The following HECA variants were observed in gnomAD, a reference collection of about 807,000 sequenced individuals.
HECA encodes headcase protein homolog.
HECA carries 13 observed loss-of-function variants against 37.6 expected under a neutral mutation model. The observed-to-expected ratio is 0.35, with a 90% CI of 0.23 to 0.55. The LOEUF (loss-of-function observed/expected upper bound fraction) is 0.55. HECA is among the 20% of genes least tolerant of loss of function. The pLI, the probability that HECA is intolerant of heterozygous loss-of-function variation, is 0.90. For synonymous variants in HECA, 307 were observed against 291.5 expected (o/e 1.05, Z -0.54); for missense variants, 527 against 701.9 (o/e 0.75, Z 2.82).
At position 139,178,750 on chromosome 6, in the gene HECA, A is replaced by AT. The variant is rs898157892; in HGVS notation, c.*1650dup. ...CCACCACACCCGGCTAATTTTTTGT[A>AT]TTTTTAGTAGAGACAGCGTTTCACC... On this transcript the variant is annotated 3_prime_UTR_variant, in exon 4 of 4. Transcript: ENST00000367658. The AT allele has an allele frequency of 2.6e-5, 4 of 151,846 alleles. No homozygotes were observed. The highest frequency in any genetic ancestry group is 2.6e-4 in the Admixed American group (4 of 15,242). The allele number at this position is 151,846 out of a possible 1,614,324, so 9.4% of individuals were successfully genotyped here.
At chr6:139,162,759 T>C (rs534175287) in intron 1 of HECA, among the ~76,000 whole-genome samples, 2 of 152,302 alleles carry the variant, frequency 1.3e-5, no homozygotes, top group Admixed American at 1.3e-4. Flanking sequence ...TTTGGTGGAA[T>C]GTTGTGTCTG....
rs754794268 is a variant in HECA, at chr6:139,177,057, C to T, written c.1584C>T (p.Tyr528=). 1.2e-6 allele frequency: 1 copy of T among 866,154 alleles called. No homozygotes were observed. The highest frequency in any genetic ancestry group is 1.3e-5 in the South Asian group (1 of 76,312). The allele number at this position is 866,154 out of a possible 1,614,324, so 53.7% of individuals were successfully genotyped here. ...QQCPHCGNLD[Y]HFVKPFSSFK... ...GTCCACACTGTGGGAACCTGGACTA[C>T]CACTTCGTGAAGCCATTTTCCTCCT... is the stretch of plus-strand genomic sequence containing the variant. Residue 528 remains tyrosine, a synonymous_variant, in exon 4 of 4, where the codon TAC becomes TAT. Coordinates refer to ENST00000367658, the MANE Select transcript of HECA (RefSeq NM_016217.3). The surrounding 1 kb of genome is among the most constrained non-coding windows in gnomAD (Gnocchi z 4.9).
At chr6:139,160,311 C>T (rs1450628709) in intron 1 of HECA, among the ~76,000 whole-genome samples, 1 of 152,174 alleles carries the variant, frequency 6.6e-6, no homozygotes, top group African/African-American at 2.4e-5. Context: ...GTTAGATTAT[C>T]ACAGTTTAGA....
At chr6:139,165,334 C>T (rs1295473486) in intron 1 of HECA, among the ~76,000 whole-genome samples, 1 of 152,070 alleles carries the variant, frequency 6.6e-6, no homozygotes, top group African/African-American at 2.4e-5. Flanking sequence ...TACCTCCTGC[C>T]CTCCTCCAGC....
intron 1 of HECA, among the ~76,000 whole-genome samples, chr6:139,136,645 T>TG (rs893449500): frequency 9.2e-5 from 14 of 151,732 alleles, no homozygotes; most frequent in Non-Finnish European, 1.6e-4. Flanking sequence ...TGTTTTGTTT[T>TG]TTTTTTTTTA....
rs1487091353 is a variant in HECA at position 139,135,334 on chromosome 6, G to A, written c.-63G>A. Reference sequence around the variant, plus strand: ...GCCGGCTTCACGCAGGGCCGGGAACGGCCGTGCCTCTGGGATCCGCCTTCG... The same window carrying A: ...GCCGGCTTCACGCAGGGCCGGGAACAGCCGTGCCTCTGGGATCCGCCTTCG... On this transcript the variant is annotated 5_prime_UTR_variant, in exon 1 of 4. Coordinates refer to ENST00000367658, the MANE Select transcript of HECA (RefSeq NM_016217.3). 2 of 1,230,956 alleles carry A rather than the reference G, an allele frequency of 1.6e-6. No individual in the cohort carries two copies. The highest frequency in any genetic ancestry group is 1.0e-6 in the Non-Finnish European group (1 of 957,050). 76.3% of individuals were successfully genotyped at this position (1,230,956 alleles called of 1,614,324 possible).
At position 139,179,349 on chromosome 6, in the gene HECA, A is replaced by G. The variant is rs554909668; in HGVS notation, c.*2244A>G. 2.8e-4 allele frequency: 42 copies of G among 152,316 alleles called. No individual in the cohort carries two copies. The highest frequency in any genetic ancestry group is 9.1e-4 in the African/African-American group (38 of 41,562). 9.4% of individuals were successfully genotyped at this position (152,316 alleles called of 1,614,324 possible). On this transcript the variant is annotated 3_prime_UTR_variant, in exon 4 of 4. Transcript: ENST00000367658. ...TTATATTGTTGTTCTGAAGCTTACA[A>G]TTGACCTATACATTGCATTCAGCAA...
chr6:139,145,779 G>C (rs1774577616), intron 1 of HECA, among the ~76,000 whole-genome samples: 1 of 152,176 alleles, frequency 6.6e-6, no homozygotes, highest in African/African-American at 2.4e-5. Flanking sequence ...TTTTTGGAAA[G>C]ATAAGTGGGC....
chr6:139,139,329 G>A (rs1423883295), intron 1 of HECA, among the ~76,000 whole-genome samples: 2 of 152,092 alleles, frequency 1.3e-5, no homozygotes, highest in Admixed American at 6.5e-5. Context: ...ATGGATTGTA[G>A]TACCTACCCA....
chr6:139,146,607 G>A (rs187568243), intron 1 of HECA, among the ~76,000 whole-genome samples: 3 of 152,302 alleles, frequency 2.0e-5, no homozygotes, highest in Admixed American at 2.0e-4. Context: ...TCTGAGAGCG[G>A]GAGCCTGAGA....
chr6:139,136,281 AAAAAAG>A (rs1230109013), intron 1 of HECA, among the ~76,000 whole-genome samples: 1 of 151,718 alleles, frequency 6.6e-6, no homozygotes, highest in Admixed American at 6.6e-5. Flanking sequence ...AAAAAAAAAA[AAAAAAG>A]AAAAGAAAGA....
rs1774415024 is a variant in HECA, at chr6:139,135,254, C to A, written c.-143C>A. The A allele has an allele frequency of 3.3e-6, 2 of 605,154 alleles. No individual in the cohort carries two copies. Among genetic ancestry groups the A allele is most frequent in the South Asian group, 1.3e-4 (2 of 15,632 alleles). 37.5% of individuals were successfully genotyped at this position (605,154 alleles called of 1,614,324 possible). ...CCAGGATGGCGCGGCACGGGCCGTG[C>A]GGCTAGACGGGAGCCGAGGGAACCG... On this transcript the variant is annotated 5_prime_UTR_variant, in exon 1 of 4. The change creates a premature stop within an existing upstream ORF in the 5' untranslated region. Transcript: ENST00000367658.
chr6:139,152,729 G>A (rs900073817), intron 1 of HECA, among the ~76,000 whole-genome samples: 5 of 152,096 alleles, frequency 3.3e-5, no homozygotes, highest in African/African-American at 1.2e-4. Flanking sequence ...TATGTGTAGT[G>A]CTTAGTGTCT....
Position 139,179,771 on chromosome 6 carries a change from A to G in HECA, c.*2666A>G, listed in dbSNP as rs138367149. On this transcript the variant is annotated 3_prime_UTR_variant, in exon 4 of 4. Transcript: ENST00000367658. ...TTGGAATATATCAAAAAAGGTTAGT[A>G]TTTTTGTTGTAGTTAGGATACTAAA... 7 of 152,284 alleles carry G rather than the reference A, an allele frequency of 4.6e-5. No individual in the cohort carries two copies. The highest frequency in any genetic ancestry group is 1.0e-4 in the Non-Finnish European group (7 of 68,008). 9.4% of individuals were successfully genotyped at this position (152,284 alleles called of 1,614,324 possible).
At position 139,135,615 on chromosome 6, in the gene HECA, C is replaced by A. The variant is rs1034619508; in HGVS notation, c.219C>A (p.Ala73=). The A allele has an allele frequency of 2.1e-6, 2 of 966,468 alleles. No individual in the cohort carries two copies. The highest frequency in any genetic ancestry group is 2.4e-6 in the Non-Finnish European group (2 of 816,448). 59.9% of individuals were successfully genotyped at this position (966,468 alleles called of 1,614,324 possible). A position where few individuals can be genotyped will look rare whatever the true frequency, so the allele number is the denominator to read the frequency against. The change falls in exon 1 of 4, where the codon GCC becomes GCA. Residue 73 remains alanine (A), a synonymous_variant. Coordinates refer to ENST00000367658, the MANE Select transcript of HECA (RefSeq NM_016217.3). The part of the protein sequence containing the change: ...AAGAGGAGTG[A]ANAAAAAGAA... ...GCGCCGGAGGCGCGGGGACTGGCGC[C>A]GCGAACGCTGCGGCCGCCGCGGGGG...
intron 2 of HECA, among the ~76,000 whole-genome samples, chr6:139,173,750 G>T (rs1332847208): frequency 6.6e-6 from 1 of 152,166 alleles, no homozygotes; most frequent in Non-Finnish European, 1.5e-5. Context: ...AATAATGGAG[G>T]GGGATCATGT....
At chr6:139,143,859 C>CAA (rs59382752) in intron 1 of HECA, among the ~76,000 whole-genome samples, 3 of 135,464 alleles carry the variant, frequency 2.2e-5, no homozygotes, top group East Asian at 3.5e-4. Flanking sequence ...GACTCTGTCT[C>CAA]AAAAAAAAAA....
intron 1 of HECA, chr6:139,151,157 A>G (rs6926886): frequency 0.71 from 108,453 of 152,068 alleles, 40,003 homozygotes; most frequent in African/African-American, 0.87. Flanking sequence ...CTTTTCTCCC[A>G]AGAACCTAGC....
At chr6:139,175,589 G>C (rs1456420998) in intron 3 of HECA, among the ~76,000 whole-genome samples, 1 of 152,166 alleles carries the variant, frequency 6.6e-6, no homozygotes, top group African/African-American at 2.4e-5. Context: ...TTTTGAGCCT[G>C]TTAACTCAGA....
Sources: allele counts gnomAD v4.1 joint callset (sites outside exome capture counted in the v4.1 genomes callset), GRCh38; gene constraint gnomAD v4.1.1; non-coding constraint Gnocchi (gnomAD v3.1); transcripts MANE v1.5; gene names NCBI Gene and HGNC (gene_info 2026-07-23, HGNC 2026-07-21).